The following SMAD6 variants were observed in gnomAD, a reference collection of about 807,000 sequenced individuals.
SMAD6 encodes the protein SMAD family member 6, also known as MAD homolog 6.
SMAD6 carries 103 observed loss-of-function variants against 39.4 expected under a neutral mutation model. The observed-to-expected ratio is 2.62, with a 90% CI of 2.23 to 3.08. The LOEUF is 3.08. Ranked by LOEUF, SMAD6 falls within the 30% of genes most tolerant of loss-of-function variation. The pLI, the probability that SMAD6 is intolerant of heterozygous loss-of-function variation, is 0.00. For missense variants in SMAD6, 1,104 were observed against 742.9 expected, an observed-to-expected ratio of 1.49 and a Z score of -5.65; for synonymous variants, 445 against 353.3, an observed-to-expected ratio of 1.26 and a Z score of -2.91.
chr15:66,781,252 A>G lies in SMAD6; in HGVS notation c.1208A>G (p.Tyr403Cys), dbSNP rs763230117. Residue 403 changes from tyrosine (Y) to cysteine (C), a missense_variant, in exon 4 of 4, where the codon TAC becomes TGC. Physicochemically the swap from Tyr to Cys is radical, Grantham distance 194. Transcript: ENST00000288840. The part of the protein sequence containing the change: ...LSKEPDGVWA[Y>C]NRGEHPIFVN... ...AAGGAGCCCGACGGCGTGTGGGCCT[A>G]CAACCGCGGCGAGCACCCCATCTTC... 2.5e-6 allele frequency: 4 copies of G among 1,608,264 alleles called. No homozygotes were observed. Among genetic ancestry groups the G allele is most frequent in the Non-Finnish European group, 3.4e-6 (4 of 1,179,332 alleles).
chr15:66,703,359 A>G lies in SMAD6; in HGVS notation c.101A>G (p.Asp34Gly). ...GGCAGCGGCGGCGGCGGTGGCGGCG[A>G]CGAGGATGGGAGCTTGGGCAGCCGA... ...EGGSGGGGGG[D>G]EDGSLGSRAE... The change falls in exon 1 of 4, where the codon GAC (aspartate) becomes GGC (glycine). Residue 34 changes from aspartate (D) to glycine (G), a missense_variant. Coordinates refer to ENST00000288840, the MANE Select transcript of SMAD6 (RefSeq NM_005585.5). 6.8e-7 allele frequency: 1 copy of G among 1,478,798 alleles called. No individual in the cohort carries two copies. Among genetic ancestry groups the G allele is most frequent in the South Asian group, 1.3e-5 (1 of 76,440 alleles). The allele number at this position is 1,478,798 out of a possible 1,614,324, so 91.6% of individuals were successfully genotyped here.
rs756457521 is a variant in SMAD6, at chr15:66,703,743, G to T, written c.485G>T (p.Arg162Leu). The T allele has an allele frequency of 1.4e-6, 2 of 1,381,688 alleles. No homozygotes were observed. The highest frequency in any genetic ancestry group is 3.4e-5 in the East Asian group (1 of 29,448). The allele number at this position is 1,381,688 out of a possible 1,614,324, so 85.6% of individuals were successfully genotyped here. A position where few individuals can be genotyped will look rare whatever the true frequency, so the allele number is the denominator to read the frequency against. Reference sequence around the variant, plus strand: ...GGCGGCGGGCGGAGTCGCGAAGCGCGCTCGCGGCTGCTGCTGCTGGAGCAG... The same window carrying T: ...GGCGGCGGGCGGAGTCGCGAAGCGCTCTCGCGGCTGCTGCTGCTGGAGCAG... ...PAGGGRSREA[R>L]SRLLLLEQEL... The change falls in exon 1 of 4, where the codon CGC becomes CTC. Residue 162 changes from arginine (R) to leucine (L), a missense_variant. Physicochemically the swap from Arg to Leu is moderately radical, Grantham distance 102 (BLOSUM62 -2). Coordinates refer to ENST00000288840, the MANE Select transcript of SMAD6 (RefSeq NM_005585.5).
At chr15:66,725,344 A>C (rs908265270) in intron 3 of SMAD6, among the ~76,000 whole-genome samples, 3 of 152,248 alleles carry the variant, frequency 2.0e-5, no homozygotes, top group Admixed American at 2.0e-4. Context: ...CGGGGCTGGC[A>C]TCTCTGCAAA....
chr15:66,777,257 T>C (rs1190432598), intron 3 of SMAD6, among the ~76,000 whole-genome samples: 1 of 152,170 alleles, frequency 6.6e-6, no homozygotes, highest in Non-Finnish European at 1.5e-5. Flanking sequence ...CCCCAGTTTT[T>C]GCCCACCACG....
chr15:66,765,934 G>T (rs771578655), intron 3 of SMAD6, among the ~76,000 whole-genome samples: 1 of 152,162 alleles, frequency 6.6e-6, no homozygotes, highest in Non-Finnish European at 1.5e-5. Flanking sequence ...AGGTGGCCAG[G>T]AATGCAACCT....
chr15:66,711,401 T>G (rs1893223213), intron 1 of SMAD6, among the ~76,000 whole-genome samples: 1 of 152,176 alleles, frequency 6.6e-6, no homozygotes, highest in Non-Finnish European at 1.5e-5. Context: ...ATTTTAGAGC[T>G]GAGGAAACAG....
chr15:66,753,946 G>C (rs1894053592), intron 3 of SMAD6, among the ~76,000 whole-genome samples: 1 of 152,220 alleles, frequency 6.6e-6, no homozygotes, highest in Admixed American at 6.5e-5. Flanking sequence ...GTGCCTGGGA[G>C]CTCAAGTTCA....
Position 66,781,059 on chromosome 15 carries a change from C to A in SMAD6, c.1015C>A (p.His339Asn). 6.2e-7 allele frequency: 1 copy of A among 1,603,300 alleles called. No individual in the cohort carries two copies. Residue 339 changes from histidine (H) to asparagine (N), a missense_variant, in exon 4 of 4, where the codon CAC becomes AAC. Coordinates refer to ENST00000288840, the MANE Select transcript of SMAD6 (RefSeq NM_005585.5). ...CTGGTGCAGCGTGGCGTACTGGGAG[C>A]ACCGGACGCGCGTGGGCCGCCTCTA... ...SHWCSVAYWE[H>N]RTRVGRLYAV... is the part of the protein sequence containing the mutation.
chr15:66,781,149 G>T lies in SMAD6; in HGVS notation c.1105G>T (p.Gly369Cys). The T allele has an allele frequency of 6.2e-7, 1 of 1,608,266 alleles. No individual in the cohort carries two copies. The change falls in exon 4 of 4, where the codon GGC (glycine) becomes TGC (cysteine). Residue 369 changes from glycine (G) to cysteine (C), a missense_variant. Physicochemically the swap from Gly to Cys is radical, Grantham distance 159. Transcript: ENST00000288840. ...DLPQGSGFCL[G>C]QLNLEQRSES... is the part of the protein sequence containing the mutation. ...ACCTCAGGGCAGCGGCTTCTGCCTG[G>T]GCCAGCTCAACCTGGAGCAGCGCAG...
chr15:66,766,491 A>G (rs1894290734), intron 3 of SMAD6, among the ~76,000 whole-genome samples: 1 of 151,994 alleles, frequency 6.6e-6, no homozygotes, highest in African/African-American at 2.4e-5. Context: ...GCTTCCTAGG[A>G]TTGTTCTCAG....
intron 1 of SMAD6, chr15:66,706,277 A>G (rs925911355): frequency 6.6e-6 from 1 of 152,096 alleles, no homozygotes; most frequent in Non-Finnish European, 1.5e-5. Flanking sequence ...CTCCCCATCT[A>G]AATCTGGACT....
chr15:66,742,641 T>G lies in SMAD6; in HGVS notation c.952+26143T>G, dbSNP rs146815953. Among the ~76,000 whole-genome samples, 37 of 152,288 alleles carry G rather than the reference T, an allele frequency of 2.4e-4. No homozygotes were observed. In the East Asian group the frequency reaches 6.8e-3, roughly 28 times the overall value. On this transcript the variant is annotated intron_variant, in intron 3 of 3. Coordinates refer to ENST00000288840, the MANE Select transcript of SMAD6 (RefSeq NM_005585.5). ...TCTGAAAATGGGATTCAGCCACAAT[T>G]GACCCCATTTTTGGGAAGGAGTAGC... is the stretch of plus-strand genomic sequence containing the variant.
chr15:66,739,386 GC>G (rs956618447), intron 3 of SMAD6, among the ~76,000 whole-genome samples: 1 of 151,696 alleles, frequency 6.6e-6, no homozygotes, highest in Non-Finnish European at 1.5e-5. Context: ...ACCGTGCCTG[GC>G]CTTACCCAGG....
intron 3 of SMAD6, among the ~76,000 whole-genome samples, chr15:66,725,275 C>T (rs1447693107): frequency 6.6e-6 from 1 of 152,076 alleles, no homozygotes; most frequent in Non-Finnish European, 1.5e-5. Context: ...TATTCATGGC[C>T]CGTTTCCCCA....
intron 3 of SMAD6, among the ~76,000 whole-genome samples, chr15:66,729,671 A>C (rs914234755): frequency 6.6e-6 from 1 of 152,200 alleles, no homozygotes; most frequent in African/African-American, 2.4e-5. Flanking sequence ...AGTTACCGTA[A>C]GGGATTTTCT....
chr15:66,741,562 A>T (rs935848156), intron 3 of SMAD6, among the ~76,000 whole-genome samples: 2 of 152,120 alleles, frequency 1.3e-5, no homozygotes, highest in African/African-American at 4.8e-5. Context: ...CCTGGGATTG[A>T]GAGTTTTTAA....
rs777714306 is a variant in SMAD6 at position 66,702,903 on chromosome 15, T to C, written c.-356T>C. 3.0e-5 allele frequency: 6 copies of C among 202,668 alleles called. No homozygotes were observed. The highest frequency in any genetic ancestry group is 4.6e-5 in the African/African-American group (2 of 43,354). The allele number at this position is 202,668 out of a possible 1,614,324, so 12.6% of individuals were successfully genotyped here. A position where few individuals can be genotyped will look rare whatever the true frequency, so the allele number is the denominator to read the frequency against. On this transcript the variant is annotated 5_prime_UTR_variant, in exon 1 of 4. Transcript: ENST00000288840. ...TGCTCATGGACCAGCCGCACAACTT[T>C]TGAAGGCTCGCCGGCCCATGTGGGG...
Position 66,703,385 on chromosome 15 carries a change from G to C in SMAD6, c.127G>C (p.Ala43Pro), listed in dbSNP as rs1342993506. 10 of 1,434,372 alleles carry C rather than the reference G, an allele frequency of 7.0e-6. No individual in the cohort carries two copies. The South Asian group carries it at 1.2e-4, about 17-fold the overall frequency. 88.9% of individuals were successfully genotyped at this position (1,434,372 alleles called of 1,614,324 possible). The change falls in exon 1 of 4, where the codon GCT (alanine) becomes CCT (proline). Residue 43 changes from alanine to proline, a missense_variant. Physicochemically the swap from Ala to Pro is conservative, Grantham distance 27 (BLOSUM62 -1). Transcript: ENST00000288840. ...CGAGGATGGGAGCTTGGGCAGCCGA[G>C]CTGAGCCGGCCCCGCGGGCAAGAGA... ...GDEDGSLGSR[A>P]EPAPRAREGG...
chr15:66,727,018 G>T (rs1893533607), intron 3 of SMAD6, among the ~76,000 whole-genome samples: 1 of 152,072 alleles, frequency 6.6e-6, no homozygotes. Context: ...CCTGGCCGGT[G>T]CCTGATTACT....
Sources: allele counts gnomAD v4.1 joint callset (sites outside exome capture counted in the v4.1 genomes callset), GRCh38; gene constraint gnomAD v4.1.1; transcripts MANE v1.5; gene names NCBI Gene and HGNC (gene_info 2026-07-23, HGNC 2026-07-21).